Variants in OR9Q1 observed in about 807,000 individuals in gnomAD.
The protein encoded by OR9Q1 is olfactory receptor 9Q1.
For synonymous variants in OR9Q1, 153 were observed against 148.6 expected (o/e 1.03, Z -0.22); for missense variants, 374 against 378.8 (o/e 0.99, Z 0.11).
chr11:58,120,227 G>T (rs1482569815), intron 2 of OR9Q1, among the ~76,000 whole-genome samples: 1 of 152,034 alleles, frequency 6.6e-6, no homozygotes, highest in African/African-American at 2.4e-5. Context: ...TCGTGGACTT[G>T]CTACTTTTTT....
chr11:58,079,504 C>T (rs909752877), intron 2 of OR9Q1, among the ~76,000 whole-genome samples: 1 of 152,084 alleles, frequency 6.6e-6, no homozygotes, highest in Non-Finnish European at 1.5e-5. Flanking sequence ...CACAATACCT[C>T]GAAGCAACTC....
chr11:58,032,737 T>C (rs1853055131), intron 1 of OR9Q1, among the ~76,000 whole-genome samples: 1 of 152,190 alleles, frequency 6.6e-6, no homozygotes, highest in South Asian at 2.1e-4. Flanking sequence ...TCAAAAGCAA[T>C]TGCAATGAAA....
chr11:58,076,035 T>G lies in OR9Q1; in HGVS notation c.-15+20088T>G, dbSNP rs200216340. On this transcript the variant is annotated intron_variant, in intron 2 of 2. Transcript: ENST00000335397. ...ACTCGTTTGTTTATGTGTTGCCCCG[T>G]GGCTGCTTTCTCACTAGAATGGCAG... 1.2e-3 allele frequency among the ~76,000 whole-genome samples: 183 copies of G among 152,316 alleles called. 1 individual carries two copies. The highest frequency in any genetic ancestry group is 2.3e-3 in the Non-Finnish European group (154 of 68,024).
At chr11:58,129,083 T>C (rs1854116230) in intron 2 of OR9Q1, among the ~76,000 whole-genome samples, 1 of 152,172 alleles carries the variant, frequency 6.6e-6, no homozygotes, top group Non-Finnish European at 1.5e-5. Flanking sequence ...ATTTATTTCT[T>C]GCTCCAGGTA....
intron 2 of OR9Q1, among the ~76,000 whole-genome samples, chr11:58,155,710 G>T (rs1854401462): frequency 1.3e-5 from 2 of 152,248 alleles, no homozygotes; most frequent in Middle Eastern, 3.4e-3. Flanking sequence ...GCCTCAGTTT[G>T]CTTAACAGTG....
intron 2 of OR9Q1, among the ~76,000 whole-genome samples, chr11:58,164,518 C>T (rs191549399): frequency 1.4e-3 from 220 of 152,240 alleles, no homozygotes; most frequent in African/African-American, 4.9e-3. Context: ...TAAAGAGATT[C>T]TTCAGGGAAA....
At chr11:58,079,844 C>T (rs1565070283) in intron 2 of OR9Q1, among the ~76,000 whole-genome samples, 1 of 152,124 alleles carries the variant, frequency 6.6e-6, no homozygotes, top group Non-Finnish European at 1.5e-5. Context: ...GCATATCCAA[C>T]CAATATCAGC....
intron 2 of OR9Q1, among the ~76,000 whole-genome samples, chr11:58,088,039 C>G (rs1411785409): frequency 6.6e-6 from 1 of 151,838 alleles, no homozygotes; most frequent in Non-Finnish European, 1.5e-5. Flanking sequence ...AGGGGCACAC[C>G]TGTAGAGGCC....
At chr11:58,175,524 T>A (rs1854598346) in intron 2 of OR9Q1, among the ~76,000 whole-genome samples, 1 of 152,160 alleles carries the variant, frequency 6.6e-6, no homozygotes, top group Non-Finnish European at 1.5e-5. Context: ...ACTATCCCCA[T>A]AGTAGAGGGA....
chr11:58,082,767 TAATA>T (rs1565071274), intron 2 of OR9Q1, among the ~76,000 whole-genome samples: 1 of 127,804 alleles, frequency 7.8e-6, no homozygotes, highest in African/African-American at 2.7e-5. Flanking sequence ...ATAATAATAA[TAATA>T]AAAAGTTAGG....
chr11:58,087,646 C>T (rs1300164670), intron 2 of OR9Q1, among the ~76,000 whole-genome samples: 1 of 151,770 alleles, frequency 6.6e-6, no homozygotes, highest in Non-Finnish European at 1.5e-5. Context: ...TTGCTGCACC[C>T]ATCAACTCGT....
chr11:58,093,684 C>T (rs7101646), intron 2 of OR9Q1, among the ~76,000 whole-genome samples: 80,774 of 145,376 alleles, frequency 0.56, 22,394 homozygotes, highest in Middle Eastern at 0.64. Context: ...TGCTTGAACC[C>T]GGGAGGTGGA....
chr11:58,044,912 G>C (rs1303242368), intron 1 of OR9Q1: 1 of 152,112 alleles, frequency 6.6e-6, no homozygotes, highest in African/African-American at 2.4e-5. Context: ...CTGAAATCTG[G>C]AATGCTCCAA....
intron 2 of OR9Q1, among the ~76,000 whole-genome samples, chr11:58,084,066 G>A (rs1348849583): frequency 6.6e-6 from 1 of 151,846 alleles, no homozygotes; most frequent in Non-Finnish European, 1.5e-5. Flanking sequence ...CCACTTTAAT[G>A]ATATCGATTC....
intron 2 of OR9Q1, among the ~76,000 whole-genome samples, chr11:58,086,151 A>G (rs780815995): frequency 1.3e-5 from 2 of 151,880 alleles, no homozygotes; most frequent in Non-Finnish European, 2.9e-5. Context: ...AACATAAGGA[A>G]CTCAACTCAA....
chr11:58,135,895 C>G (rs566444812), intron 2 of OR9Q1, among the ~76,000 whole-genome samples: 2 of 152,320 alleles, frequency 1.3e-5, no homozygotes, highest in South Asian at 2.1e-4. Context: ...CAAGTGAACA[C>G]TTTTCACTTT....
intron 1 of OR9Q1, among the ~76,000 whole-genome samples, chr11:58,042,740 A>G (rs1312309976): frequency 2.6e-5 from 4 of 152,168 alleles, no homozygotes; most frequent in Non-Finnish European, 5.9e-5. Flanking sequence ...CTTGGGCAGT[A>G]TGGCCATTTT....
intron 1 of OR9Q1, among the ~76,000 whole-genome samples, chr11:58,035,962 C>A (rs896893841): frequency 2.7e-5 from 3 of 112,584 alleles, no homozygotes; most frequent in East Asian, 3.6e-4. Flanking sequence ...TTTTTTTTTA[C>A]AAATTGAAGA....
chr11:58,065,814 A>T (rs1853423617), intron 2 of OR9Q1, among the ~76,000 whole-genome samples: 1 of 152,228 alleles, frequency 6.6e-6, no homozygotes, highest in South Asian at 2.1e-4. Context: ...AGCTGCTCAG[A>T]GAGAACTAGG....
Sources: gnomAD v4.1 joint callset for allele counts (sites outside exome capture counted in the v4.1 genomes callset) on GRCh38, gnomAD v4.1.1 for gene constraint, MANE v1.5 for transcripts, NCBI Gene and HGNC (gene_info 2026-07-23, HGNC 2026-07-21) for gene names.